Variants in SNX25 observed in about 807,000 individuals in gnomAD.
The protein encoded by SNX25 is sorting nexin 25, also known as sorting nexin-25.
SNX25 carries 62 observed loss-of-function variants against 113.7 expected under a neutral mutation model. That is an observed-to-expected ratio of 0.55 (90% CI 0.44 to 0.67). The LOEUF (loss-of-function observed/expected upper bound fraction) is 0.67. SNX25 is among the 30% of genes least tolerant of loss of function. SNX25 has a pLI of 0.00. For synonymous variants in SNX25, 421 were observed against 436.2 expected (o/e 0.97, Z 0.43); for missense variants, 1,014 against 1,161.0 (o/e 0.87, Z 1.84).
At chr4:185,306,145 G>A (rs555818708) in intron 6 of SNX25, among the ~76,000 whole-genome samples, 10 of 152,314 alleles carry the variant, frequency 6.6e-5, no homozygotes, top group African/African-American at 2.2e-4. Flanking sequence ...ATATTTCTTG[G>A]ATGAATGGGT....
intron 6 of SNX25, among the ~76,000 whole-genome samples, chr4:185,300,170 T>C (rs568467160): frequency 1.3e-5 from 2 of 152,228 alleles, no homozygotes; most frequent in East Asian, 3.9e-4. Context: ...GAAATTTTTT[T>C]TTTTTTTGAG....
chr4:185,283,039 A>G (rs1441986169), intron 5 of SNX25, among the ~76,000 whole-genome samples: 1 of 152,246 alleles, frequency 6.6e-6, no homozygotes, highest in Non-Finnish European at 1.5e-5. Context: ...GTATCCAGTA[A>G]CAGTGAATTA....
chr4:185,243,951 C>T (rs1744460468), intron 1 of SNX25, among the ~76,000 whole-genome samples: 1 of 152,212 alleles, frequency 6.6e-6, no homozygotes, highest in Non-Finnish European at 1.5e-5. Context: ...TCATACCCAG[C>T]CCTTACAGGC....
intron 5 of SNX25, among the ~76,000 whole-genome samples, chr4:185,279,254 CTACCTGA>C (rs1750219657): frequency 6.6e-6 from 1 of 152,114 alleles, no homozygotes; most frequent in Non-Finnish European, 1.5e-5. Context: ...CCAGAACCTC[CTACCTGA>C]TGTGACTCAA....
At chr4:185,258,001 AC>A (rs1299084024) in intron 2 of SNX25, among the ~76,000 whole-genome samples, 24 of 152,370 alleles carry the variant, frequency 1.6e-4, no homozygotes, top group Admixed American at 5.9e-4. Flanking sequence ...GGGATTAAGT[AC>A]TAAGGAGTAA....
At chr4:185,353,818 G>A (rs1330088967) in intron 15 of SNX25, among the ~76,000 whole-genome samples, 1 of 152,112 alleles carries the variant, frequency 6.6e-6, no homozygotes, top group Non-Finnish European at 1.5e-5. Context: ...GGCCAAGGCG[G>A]GTGGATCATG....
chr4:185,287,890 C>T (rs896899497), intron 5 of SNX25, 122 bp from the exon 6 acceptor site: 1 of 785,470 alleles, frequency 1.3e-6, no homozygotes, highest in South Asian at 2.0e-5. Flanking sequence ...TTTTATGGAG[C>T]CTTGGGCAGG....
chr4:185,320,761 A>G lies in SNX25; in HGVS notation c.1373A>G (p.Asn458Ser), dbSNP rs150046194. 87 of 1,574,076 alleles carry G rather than the reference A, an allele frequency of 5.5e-5. No homozygotes were observed. In the African/African-American group the frequency reaches 9.8e-4, roughly 18 times the overall value. ...CTTCAGTTTGAAGATATCTTGGCCA[A>G]TACGTTCTACCGAGAGCACTTTGGA... ...KILQFEDILA[N>S]TFYREHFGMY... Residue 458 changes from asparagine (N) to serine (S), a missense_variant, in exon 8 of 19, where the codon AAT (asparagine) becomes AGT (serine). Transcript: ENST00000652585.
chr4:185,360,867 C>T (rs543052818), intron 16 of SNX25, among the ~76,000 whole-genome samples: 6 of 150,810 alleles, frequency 4.0e-5, no homozygotes, highest in Middle Eastern at 3.5e-3. Flanking sequence ...TGCAGTGAGC[C>T]GAGATTGTGC....
At chr4:185,349,393 T>A (rs2095304565) in intron 13 of SNX25, among the ~76,000 whole-genome samples, 1 of 152,206 alleles carries the variant, frequency 6.6e-6, no homozygotes, top group South Asian at 2.1e-4. Context: ...GATATATCTT[T>A]GACATACTGA....
chr4:185,296,945 A>G (rs1022740049), intron 6 of SNX25, among the ~76,000 whole-genome samples: 2 of 152,102 alleles, frequency 1.3e-5, no homozygotes, highest in African/African-American at 4.8e-5. Flanking sequence ...GGCTTTTTTC[A>G]GTGTTCATCT....
chr4:185,372,927 A>G (rs200642155), downstream of SNX25: 30 of 1,613,926 alleles, frequency 1.9e-5, no homozygotes, highest in African/African-American at 2.9e-4. Context: ...TCCCTTGAGC[A>G]TAGACGTTTC....
At position 185,339,458 on chromosome 4, in the gene SNX25, A is replaced by G. The variant is rs2095249106; in HGVS notation, c.1994A>G (p.Asp665Gly). The G allele has an allele frequency of 2.5e-6, 4 of 1,614,126 alleles. No individual in the cohort carries two copies. Among genetic ancestry groups the G allele is most frequent in the Non-Finnish European group, 3.4e-6 (4 of 1,179,972 alleles). Residue 665 changes from aspartate to glycine, a missense_variant, in exon 11 of 19, where the codon GAT (aspartate) becomes GGT (glycine). Asp to Gly is a moderately conservative substitution (Grantham distance 94). Coordinates refer to ENST00000652585, the MANE Select transcript of SNX25 (RefSeq NM_001378034.2). ...CTTCAGCTGCACATGGCAAGAACGG[A>G]TTGGTGGTGTGAAAACCTTGGCATG... ...TDLQLHMART[D>G]WWCENLGMWK... is the part of the protein sequence containing the mutation.
chr4:185,261,112 C>CTG lies in SNX25; in HGVS notation c.731+2049_731+2050insGT, dbSNP rs1486839854. 1.6e-4 allele frequency among the ~76,000 whole-genome samples: 18 copies of CTG among 114,616 alleles called. No homozygotes were observed. In the South Asian group the frequency reaches 1.6e-3, roughly 10 times the overall value. 75.2% of individuals were successfully genotyped at this position (114,616 alleles called of 152,430 possible). Reference sequence around the variant, plus strand: ...GTATTCTGTCTGTCTGTCTGTCTGTCTCTGTGTGTGTGTGTGTGTGTGTGT... The same window carrying CTG: ...GTATTCTGTCTGTCTGTCTGTCTGTCTGTCTGTGTGTGTGTGTGTGTGTGTGT... On this transcript the variant is annotated intron_variant, in intron 3 of 18. Coordinates refer to ENST00000652585, the MANE Select transcript of SNX25 (RefSeq NM_001378034.2).
intron 9 of SNX25, among the ~76,000 whole-genome samples, chr4:185,326,457 T>G (rs1442813082): frequency 6.6e-6 from 1 of 152,204 alleles, no homozygotes; most frequent in Non-Finnish European, 1.5e-5. Context: ...CAATTGTTTA[T>G]GGATGACCAA....
chr4:185,209,906 C>G lies in SNX25; in HGVS notation c.80C>G (p.Ser27Trp), dbSNP rs1737467089. The change falls in exon 1 of 19, where the codon TCG becomes TGG. Residue 27 changes from serine (S) to tryptophan (W), a missense_variant. Physicochemically the swap from Ser to Trp is radical, Grantham distance 177. Transcript: ENST00000652585. The surrounding 1 kb of genome is among the most constrained non-coding windows in gnomAD (Gnocchi z 5.2). Reference protein sequence around the residue: ...RAAGAGGRPVSGFRGERRPES... With the variant: ...RAAGAGGRPVWGFRGERRPES... ...GCAGGCGCCGGCGGCCGTCCTGTCT[C>G]GGGCTTCAGGGGCGAGCGGCGGCCG... is the stretch of plus-strand genomic sequence containing the variant. 1.0e-6 allele frequency: 1 copy of G among 983,160 alleles called. No homozygotes were observed. The highest frequency in any genetic ancestry group is 1.2e-6 in the Non-Finnish European group (1 of 829,186). 60.9% of individuals were successfully genotyped at this position (983,160 alleles called of 1,614,324 possible). A position where few individuals can be genotyped will look rare whatever the true frequency, so the allele number is the denominator to read the frequency against.
upstream of SNX25, among the ~76,000 whole-genome samples, chr4:185,205,991 T>G (rs1054462176): frequency 6.6e-6 from 1 of 152,114 alleles, no homozygotes; most frequent in Non-Finnish European, 1.5e-5. Context: ...ACCGATGGCT[T>G]TAGTCAAAAA....
chr4:185,376,369 C>T, the SNX25 span, among the ~76,000 whole-genome samples: 1 of 151,944 alleles, frequency 6.6e-6, no homozygotes, highest in Non-Finnish European at 1.5e-5. Context: ...CCTCTGCCTC[C>T]TGGGTTCAAG....
chr4:185,319,833 T>G (rs1248643088), intron 7 of SNX25, among the ~76,000 whole-genome samples: 1 of 152,104 alleles, frequency 6.6e-6, no homozygotes, highest in Non-Finnish European at 1.5e-5. Context: ...TTACCAGGAG[T>G]ACTATATTAC....
Sources: allele counts gnomAD v4.1 joint callset (sites outside exome capture counted in the v4.1 genomes callset), GRCh38; gene constraint gnomAD v4.1.1; non-coding constraint Gnocchi (gnomAD v3.1); transcripts MANE v1.5; gene names NCBI Gene and HGNC (gene_info 2026-07-23, HGNC 2026-07-21).